The following PTPRD variants were observed in gnomAD, a reference collection of about 807,000 sequenced individuals.
The protein encoded by PTPRD is protein tyrosine phosphatase receptor type D.
In PTPRD, 34 loss-of-function variants were observed where a neutral mutation model predicts 214.5. The observed-to-expected ratio is 0.16, with a 90% confidence interval of 0.12 to 0.21. The LOEUF (loss-of-function observed/expected upper bound fraction) is 0.21, where lower values mean the gene tolerates loss of function less well. PTPRD is among the 10% of genes least tolerant of loss of function. The probability of loss-of-function intolerance (pLI) is 1.00; values close to 1 mark genes in which losing one functional copy is unlikely to be tolerated. For missense variants in PTPRD, 2,545 were observed against 2,398.7 expected (o/e 1.06, Z -1.27); for synonymous variants, 1,128 against 845.7 (o/e 1.33, Z -5.79).
Position 8,465,479 on chromosome 9 carries a change from T to C in PTPRD, c.3701A>G (p.Glu1234Gly). 1 of 1,612,166 alleles carries C rather than the reference T, an allele frequency of 6.2e-7. No individual in the cohort carries two copies. The change falls in exon 32 of 46, where the codon GAA becomes GGA. Residue 1234 changes from glutamate (E) to glycine (G), a missense_variant. Glu to Gly is a moderately conservative substitution (Grantham distance 98, BLOSUM62 -2). Transcript: ENST00000381196. ...TAATTAACTTACAGACTCTGCATGT[T>C]CCATTACTGCTAACACAAAGAAGAC... ...EYVFFVLAVM[E>G]HAESKMYATS...
chr9:10,459,599 A>G (rs112710787), intron 2 of PTPRD, among the ~76,000 whole-genome samples: 3,596 of 151,948 alleles, frequency 0.024, 111 homozygotes, highest in African/African-American at 0.074. Flanking sequence ...CATTCTAACT[A>G]ACATGAGATG....
intron 8 of PTPRD, among the ~76,000 whole-genome samples, chr9:9,468,440 T>C (rs747215625): frequency 6.6e-6 from 1 of 150,816 alleles, no homozygotes; most frequent in African/African-American, 2.5e-5. Flanking sequence ...AGTATACTTA[T>C]GTGTGTGTGT....
At chr9:9,312,628 C>T (rs1959543029) in intron 9 of PTPRD, among the ~76,000 whole-genome samples, 1 of 152,152 alleles carries the variant, frequency 6.6e-6, no homozygotes, top group South Asian at 2.1e-4. Context: ...TGTGAGTACA[C>T]CCTGTGATGG....
chr9:9,422,967 TCAGGC>T (rs1236324502), intron 8 of PTPRD, among the ~76,000 whole-genome samples: 3 of 152,126 alleles, frequency 2.0e-5, no homozygotes, highest in African/African-American at 7.2e-5. Flanking sequence ...GATAAACATG[TCAGGC>T]CCTTAGTTGG....
intron 14 of PTPRD, among the ~76,000 whole-genome samples, chr9:8,623,822 C>T (rs919136504): frequency 1.1e-4 from 17 of 151,840 alleles, no homozygotes; most frequent in African/African-American, 3.6e-4. Flanking sequence ...TGTCTGTTTG[C>T]TGAACCTACA....
intron 30 of PTPRD, among the ~76,000 whole-genome samples, chr9:8,480,472 C>G (rs1315432343): frequency 6.6e-6 from 1 of 152,096 alleles, no homozygotes; most frequent in Non-Finnish European, 1.5e-5. Flanking sequence ...TCCAAATTGC[C>G]CAATTAACTA....
intron 5 of PTPRD, among the ~76,000 whole-genome samples, chr9:9,864,325 A>C (rs1022987486): frequency 6.8e-6 from 1 of 148,134 alleles, no homozygotes; most frequent in Non-Finnish European, 1.5e-5. Flanking sequence ...AAAAAGAGAA[A>C]GATTAAAAAA....
intron 3 of PTPRD, among the ~76,000 whole-genome samples, chr9:10,067,146 T>C (rs999464117): frequency 2.0e-5 from 3 of 151,900 alleles, no homozygotes; most frequent in Non-Finnish European, 4.4e-5. Context: ...CTTGGCATTG[T>C]GAATCATATA....
chr9:8,593,884 T>G (rs2094299396), intron 14 of PTPRD, among the ~76,000 whole-genome samples: 2 of 152,158 alleles, frequency 1.3e-5, no homozygotes, highest in African/African-American at 2.4e-5. Flanking sequence ...TTCTGAGCAT[T>G]TCATTATACC....
intron 2 of PTPRD, among the ~76,000 whole-genome samples, chr9:10,471,424 T>C (rs1306670420): frequency 6.6e-6 from 1 of 152,172 alleles, no homozygotes; most frequent in Non-Finnish European, 1.5e-5. Context: ...ATTTTAAAAG[T>C]TTCATCAGGT....
chr9:10,272,697 A>G (rs1595865478), intron 3 of PTPRD, among the ~76,000 whole-genome samples: 1 of 152,338 alleles, frequency 6.6e-6, no homozygotes, highest in East Asian at 1.9e-4. Flanking sequence ...GAACTCACAT[A>G]AGTAATAGTT....
At chr9:9,373,422 C>T (rs1016483476) in intron 9 of PTPRD, among the ~76,000 whole-genome samples, 4 of 152,066 alleles carry the variant, frequency 2.6e-5, no homozygotes, top group East Asian at 1.9e-4. Flanking sequence ...TCGCATACTA[C>T]ATAATTAGTG....
At chr9:9,039,267 T>C (rs749166088) in intron 10 of PTPRD, among the ~76,000 whole-genome samples, 1 of 152,190 alleles carries the variant, frequency 6.6e-6, no homozygotes, top group African/African-American at 2.4e-5. Context: ...AATGGAAATA[T>C]GAGATGCTGA....
intron 10 of PTPRD, among the ~76,000 whole-genome samples, chr9:9,126,176 G>T (rs939656598): frequency 1.3e-5 from 2 of 152,138 alleles, no homozygotes; most frequent in African/African-American, 4.8e-5. Flanking sequence ...AGCAGGAGGG[G>T]GATATAAGCC....
chr9:10,030,007 G>C (rs908325363), intron 4 of PTPRD, among the ~76,000 whole-genome samples: 2 of 152,096 alleles, frequency 1.3e-5, no homozygotes, highest in African/African-American at 2.4e-5. Flanking sequence ...AAGATCTGAT[G>C]GTTTTTGAAA....
chr9:9,111,255 T>TTTC (rs1010523959), intron 10 of PTPRD, among the ~76,000 whole-genome samples: 26 of 142,842 alleles, frequency 1.8e-4, no homozygotes, highest in African/African-American at 7.0e-4. Context: ...GAAATACCTT[T>TTTC]TTTTTTTTTT....
chr9:8,985,481 G>A (rs2099337756), intron 11 of PTPRD, among the ~76,000 whole-genome samples: 1 of 151,930 alleles, frequency 6.6e-6, no homozygotes, highest in Admixed American at 6.6e-5. Flanking sequence ...ATTTACTGTG[G>A]GTCCTACTTC....
chr9:9,374,242 T>C (rs1035997961), intron 9 of PTPRD, among the ~76,000 whole-genome samples: 3 of 151,990 alleles, frequency 2.0e-5, no homozygotes, highest in Non-Finnish European at 4.4e-5. Context: ...GGGACAGGAA[T>C]AGGAGGTAAA....
intron 10 of PTPRD, among the ~76,000 whole-genome samples, chr9:9,100,669 A>G (rs78568319): frequency 0.22 from 32,790 of 152,112 alleles, 4,524 homozygotes; most frequent in South Asian, 0.42. Context: ...AAAAGTCCTG[A>G]GAAAACAGTA....
Sources: gnomAD v4.1 joint callset for allele counts (sites outside exome capture counted in the v4.1 genomes callset) on GRCh38, gnomAD v4.1.1 for gene constraint, MANE v1.5 for transcripts, NCBI Gene and HGNC (gene_info 2026-07-23, HGNC 2026-07-21) for gene names.